Variants in SARAF observed in about 807,000 individuals in gnomAD.
SARAF encodes the protein store-operated calcium entry-associated regulatory factor.
A neutral mutation model predicts 39.7 loss-of-function variants in SARAF; 23 were observed. The ratio of observed to expected loss-of-function variants is 0.58; its 90% CI spans 0.42 to 0.82. SARAF has a LOEUF of 0.82. Among genes scored for constraint, SARAF ranks in the 40% least tolerant of loss-of-function variants. The pLI is 0.00. For missense variants in SARAF, 384 were observed against 418.5 expected, an observed-to-expected ratio of 0.92 and a Z score of 0.72; for synonymous variants, 175 against 168.5, an observed-to-expected ratio of 1.04 and a Z score of -0.30.
intron 2 of SARAF, among the ~76,000 whole-genome samples, chr8:30,070,944 C>G (rs1801827110): frequency 6.6e-6 from 1 of 152,164 alleles, no homozygotes; most frequent in Admixed American, 6.5e-5. Context: ...AGAACCCAGG[C>G]TAGCCCCAAA....
intron 1 of SARAF, chr8:30,078,139 C>A (rs1224955239): frequency 3.6e-3 from 751 of 211,224 alleles, no homozygotes; most frequent in East Asian, 5.1e-3. Flanking sequence ...GACTCCGTCT[C>A]AAAAAAAAAA....
intron 1 of SARAF, chr8:30,082,124 G>A (rs557619395): frequency 1.3e-5 from 2 of 152,212 alleles, no homozygotes; most frequent in East Asian, 1.9e-4. Context: ...GGATCACGAG[G>A]TCAGGAGGTC....
At chr8:30,081,927 A>G (rs1802108514) in intron 1 of SARAF, among the ~76,000 whole-genome samples, 3 of 151,280 alleles carry the variant, frequency 2.0e-5, no homozygotes, top group African/African-American at 7.3e-5. Flanking sequence ...CCCACTTATC[A>G]TGTACCATCA....
At chr8:30,082,606 G>C (rs943593094) in intron 1 of SARAF, among the ~76,000 whole-genome samples, 4 of 152,200 alleles carry the variant, frequency 2.6e-5, no homozygotes, top group African/African-American at 9.7e-5. Context: ...AGGGAGAAAG[G>C]GGACCTTAAG....
At chr8:30,068,134 G>A in intron 3 of SARAF, among the ~76,000 whole-genome samples, 1 of 152,158 alleles carries the variant, frequency 6.6e-6, no homozygotes, top group African/African-American at 2.4e-5. Context: ...TGGGACCCCA[G>A]TACTGCTCCA....
intron 3 of SARAF, among the ~76,000 whole-genome samples, chr8:30,067,792 T>C (rs1202562042): frequency 6.6e-6 from 1 of 152,224 alleles, no homozygotes; most frequent in Non-Finnish European, 1.5e-5. Flanking sequence ...ACCTCCATTT[T>C]TTGGCAGTTA....
At chr8:30,070,638 A>G (rs1292395444) in intron 2 of SARAF, among the ~76,000 whole-genome samples, 1 of 152,204 alleles carries the variant, frequency 6.6e-6, no homozygotes, top group Non-Finnish European at 1.5e-5. Flanking sequence ...ATCCATCTGA[A>G]CATATTAAGT....
chr8:30,064,465 G>A (rs1801625928), intron 5 of SARAF, among the ~76,000 whole-genome samples: 1 of 147,390 alleles, frequency 6.8e-6, no homozygotes, highest in South Asian at 2.1e-4. Flanking sequence ...CTAGTTCATA[G>A]TCATGATTTT....
intron 1 of SARAF, among the ~76,000 whole-genome samples, chr8:30,075,861 G>A (rs1801945535): frequency 6.6e-6 from 1 of 151,842 alleles, no homozygotes; most frequent in South Asian, 2.1e-4. Context: ...GATGACAGCA[G>A]AATTTTGGAA....
chr8:30,077,292 C>CA (rs1205690241), intron 1 of SARAF, among the ~76,000 whole-genome samples: 2 of 151,472 alleles, frequency 1.3e-5, no homozygotes, highest in Non-Finnish European at 2.9e-5. Context: ...CCTGTCTCTA[C>CA]AAAAAAAATT....
At chr8:30,078,819 G>T (rs1037755361) in intron 1 of SARAF, among the ~76,000 whole-genome samples, 8 of 151,278 alleles carry the variant, frequency 5.3e-5, no homozygotes, top group South Asian at 2.1e-4. Flanking sequence ...ATTTTTTTTT[G>T]AAAAAGAACA....
At position 30,065,999 on chromosome 8, in the gene SARAF, C is replaced by T. The variant is rs766763645; in HGVS notation, c.983G>A (p.Arg328Lys). Residue 328 changes from arginine (R) to lysine (K), a missense_variant, in exon 5 of 6, where the codon AGA (arginine) becomes AAA (lysine). Physicochemically the swap from Arg to Lys is conservative, Grantham distance 26. Transcript: ENST00000256255. ...SVCSNSDTKT[R>K]TASGYGGTRR... ...TTTTTTGCTCTTACCTGATGCAGTT[C>T]TGGTTTTCGTGTCTGAGTTTGAACA... 1 of 1,614,108 alleles carries T rather than the reference C, an allele frequency of 6.2e-7. No homozygotes were observed. Among genetic ancestry groups the T allele is most frequent in the East Asian group, 2.2e-5 (1 of 44,872 alleles).
In SARAF at chr8:30,069,883, G is replaced by T. The variant is rs150629797; in HGVS notation, c.459C>A (p.His153Gln). ...LQKLKESGKQ[H>Q]GFASFSDYYY... ...AATAATCAGAGAAAGAGGCAAAGCCGTGCTGCTTTCCAGACTCCTTCAGTT... is the reference window on the plus strand; with the variant it reads ...AATAATCAGAGAAAGAGGCAAAGCCTTGCTGCTTTCCAGACTCCTTCAGTT... Residue 153 changes from histidine (H) to glutamine (Q), a missense_variant, in exon 3 of 6, where the codon CAC becomes CAA. Coordinates refer to ENST00000256255, the MANE Select transcript of SARAF (RefSeq NM_016127.6). 6.8e-6 allele frequency: 11 copies of T among 1,614,010 alleles called. No homozygotes were observed. In the African/African-American group the frequency reaches 1.3e-4, roughly 20 times the overall value.
At chr8:30,074,148 C>G in intron 1 of SARAF, 93 bp from the exon 2 acceptor site, 1 of 1,379,732 alleles carries the variant, frequency 7.2e-7, no homozygotes, top group Non-Finnish European at 9.9e-7. Context: ...TAGGAAATGC[C>G]TTTCTTGCCT....
chr8:30,082,359 A>G (rs1462179570), intron 1 of SARAF: 1 of 150,668 alleles, frequency 6.6e-6, no homozygotes, highest in African/African-American at 2.4e-5. Context: ...AAAGAGTGCA[A>G]TCTGCGATTC....
At chr8:30,077,832 A>G (rs777049043) in intron 1 of SARAF, among the ~76,000 whole-genome samples, 3 of 150,624 alleles carry the variant, frequency 2.0e-5, no homozygotes, top group Non-Finnish European at 4.4e-5. Context: ...AAGAAAGTAG[A>G]GCAAAAAGAT....
At chr8:30,070,824 G>C (rs1258665145) in intron 2 of SARAF, among the ~76,000 whole-genome samples, 1 of 152,092 alleles carries the variant, frequency 6.6e-6, no homozygotes, top group East Asian at 1.9e-4. Flanking sequence ...ATAACCTTCA[G>C]AGAAAAAAAC....
intron 1 of SARAF, among the ~76,000 whole-genome samples, chr8:30,075,939 G>T (rs941687790): frequency 9.6e-5 from 12 of 125,566 alleles, no homozygotes; most frequent in African/African-American, 3.3e-4. Flanking sequence ...GAACAGCAAA[G>T]GGGGAAACTG....
In SARAF at chr8:30,082,954, C is replaced by T. The variant is rs1484103721; in HGVS notation, c.-5G>A. The T allele has an allele frequency of 6.5e-7, 1 of 1,541,146 alleles. No homozygotes were observed. Among genetic ancestry groups the T allele is most frequent in the Non-Finnish European group, 8.7e-7 (1 of 1,144,212 alleles). On this transcript the variant is annotated 5_prime_UTR_variant, in exon 1 of 6. Coordinates refer to ENST00000256255, the MANE Select transcript of SARAF (RefSeq NM_016127.6). ...CGGCCCGCAGGCTGCGGCCATGGCG[C>T]TCGATGAAGATGGCGCCGGGCTGCC... is the stretch of plus-strand genomic sequence containing the variant.
Sources: gnomAD v4.1 joint callset for allele counts (sites outside exome capture counted in the v4.1 genomes callset) on GRCh38, gnomAD v4.1.1 for gene constraint, MANE v1.5 for transcripts, NCBI Gene and HGNC (gene_info 2026-07-23, HGNC 2026-07-21) for gene names.